Variants in SCOC observed in about 807,000 individuals in gnomAD.
SCOC encodes the protein short coiled coil protein.
Under a neutral mutation model 9.9 loss-of-function variants are expected in SCOC, and 7 were observed. That is an observed-to-expected ratio of 0.71 (90% CI 0.40 to 1.33). The LOEUF (loss-of-function observed/expected upper bound fraction) is 1.33. Among genes scored for constraint, SCOC ranks in the 40% most tolerant of loss-of-function variants. SCOC has a pLI of 0.01. For synonymous variants in SCOC, 19 were observed against 28.2 expected (o/e 0.67, Z 1.03); for missense variants, 66 against 89.7 (o/e 0.74, Z 1.07).
intron 1 of SCOC, among the ~76,000 whole-genome samples, chr4:140,375,155 T>C (rs1185536100): frequency 6.6e-6 from 1 of 152,222 alleles, no homozygotes; most frequent in Non-Finnish European, 1.5e-5. Context: ...TGCTAACTAC[T>C]TCTGTGGTCT....
At chr4:140,327,946 A>G (rs1220297010) in intron 1 of SCOC, among the ~76,000 whole-genome samples, 1 of 151,990 alleles carries the variant, frequency 6.6e-6, no homozygotes, top group Non-Finnish European at 1.5e-5. Context: ...ATATTCAAAG[A>G]TCTCCCTGCC....
intron 1 of SCOC, among the ~76,000 whole-genome samples, chr4:140,286,293 C>T (rs1240042245): frequency 6.6e-6 from 1 of 151,796 alleles, no homozygotes; most frequent in African/African-American, 2.4e-5. Flanking sequence ...GTAGTTATTA[C>T]CAGCCCACCG....
At chr4:140,335,498 A>G (rs915686904) in intron 1 of SCOC, among the ~76,000 whole-genome samples, 2 of 152,220 alleles carry the variant, frequency 1.3e-5, no homozygotes, top group African/African-American at 4.8e-5. Context: ...AATTAATCCA[A>G]TTTGCACTAA....
chr4:140,280,788 T>C (rs1471060102), intron 1 of SCOC, among the ~76,000 whole-genome samples: 1 of 152,214 alleles, frequency 6.6e-6, no homozygotes, highest in Non-Finnish European at 1.5e-5. Flanking sequence ...TTAGGAAATG[T>C]GTTTTTCTGA....
At chr4:140,341,843 A>G (rs1205458235), upstream of SCOC, among the ~76,000 whole-genome samples, 1 of 152,168 alleles carries the variant, frequency 6.6e-6, no homozygotes, top group Non-Finnish European at 1.5e-5. Context: ...CATTTCTGGG[A>G]GACATGGGAC....
upstream of SCOC, among the ~76,000 whole-genome samples, chr4:140,370,894 CTTT>C (rs200698292): frequency 1.4e-5 from 2 of 142,942 alleles, no homozygotes; most frequent in African/African-American, 2.6e-5. Flanking sequence ...TGTCTGAATT[CTTT>C]TTTTTTTTTT....
intron 2 of SCOC, among the ~76,000 whole-genome samples, chr4:140,364,607 T>C (rs1727709802): frequency 6.6e-6 from 1 of 152,202 alleles, no homozygotes; most frequent in Non-Finnish European, 1.5e-5. Context: ...CCCTTATCTA[T>C]AAAGCTGCTC....
At chr4:140,344,214 A>C (rs776324198) in intron 2 of SCOC, among the ~76,000 whole-genome samples, 7 of 152,222 alleles carry the variant, frequency 4.6e-5, no homozygotes, top group Non-Finnish European at 8.8e-5. Context: ...GCTGATGGAA[A>C]GGATAACCAT....
Position 140,316,865 on chromosome 4 carries a change from G to A in SCOC, c.-18-26756G>A, listed in dbSNP as rs2126475635. Among the ~76,000 whole-genome samples, 2 of 152,280 alleles carry A rather than the reference G, an allele frequency of 1.3e-5. 1 individual carries two copies. On this transcript the variant is annotated intron_variant, in intron 1 of 4. Transcript: ENST00000394205. The stretch of plus-strand genomic sequence containing the variant: ...TCAGTCTACAAATTAAGGTATGCAA[G>A]CAATACTAAATCTCTTTATTTTCTA...
chr4:140,326,604 G>A (rs763815471), intron 1 of SCOC, among the ~76,000 whole-genome samples: 23 of 151,360 alleles, frequency 1.5e-4, no homozygotes, highest in Admixed American at 2.6e-4. Context: ...GTAGGCCCAC[G>A]CTTTACAGTA....
chr4:140,373,677 G>A lies in SCOC; in HGVS notation c.-91G>A. ...TGGTCCAAGTGTCCCGGCCTGAGGT[G>A]TCGGCCGGATCCCTCCTTCTCCCGG... On this transcript the variant is annotated 5_prime_UTR_variant, in exon 1 of 4. Coordinates refer to ENST00000608372, the MANE Select transcript of SCOC (RefSeq NM_001153484.2). 1.3e-6 allele frequency: 2 copies of A among 1,550,944 alleles called. No homozygotes were observed. The highest frequency in any genetic ancestry group is 1.7e-6 in the Non-Finnish European group (2 of 1,146,940).
chr4:140,362,855 C>T (rs1727631133), intron 2 of SCOC: 1 of 152,078 alleles, frequency 6.6e-6, no homozygotes, highest in Non-Finnish European at 1.5e-5. Context: ...AGGAGTTTGA[C>T]ACAGAACTAA....
chr4:140,320,035 G>A (rs1178413679), intron 1 of SCOC, among the ~76,000 whole-genome samples: 1 of 152,202 alleles, frequency 6.6e-6, no homozygotes, highest in Non-Finnish European at 1.5e-5. Context: ...GGTAAAATAA[G>A]GCTGAGACCT....
intron 1 of SCOC, among the ~76,000 whole-genome samples, chr4:140,325,469 A>G (rs773383482): frequency 2.0e-5 from 3 of 152,192 alleles, no homozygotes; most frequent in African/African-American, 7.2e-5. Flanking sequence ...GTCTCTCTCT[A>G]TATAATGACA....
At chr4:140,379,708 AAAT>A in intron 3 of SCOC, 56 bp downstream of exon 3, 2 of 1,291,148 alleles carry the variant, frequency 1.5e-6, no homozygotes, top group South Asian at 2.5e-5. Flanking sequence ...GAACTTGTAA[AAAT>A]TTATATTGCT....
intron 1 of SCOC, 70 bp from the exon 2 acceptor site, chr4:140,379,051 C>A: frequency 1.1e-6 from 1 of 939,110 alleles, no homozygotes; most frequent in Non-Finnish European, 1.7e-6. Context: ...ACAAAATCAT[C>A]CTCCTTTGAA....
intron 1 of SCOC, among the ~76,000 whole-genome samples, chr4:140,258,743 G>T (rs929930650): frequency 6.6e-5 from 10 of 152,176 alleles, no homozygotes; most frequent in African/African-American, 2.2e-4. Flanking sequence ...AGAATAGCTT[G>T]CATTTTCTTC....
At chr4:140,366,833 C>A in intron 2 of SCOC, 1 of 888,284 alleles carries the variant, frequency 1.1e-6, no homozygotes, top group Non-Finnish European at 1.9e-6. Flanking sequence ...CCCACACGGC[C>A]AACCTCCACG....
intron 1 of SCOC, among the ~76,000 whole-genome samples, chr4:140,292,915 TA>T (rs1339404777): frequency 1.3e-5 from 2 of 152,196 alleles, no homozygotes; most frequent in Non-Finnish European, 2.9e-5. Flanking sequence ...AAACTTTAAT[TA>T]TCAAATTCTG....
Sources: gnomAD v4.1 joint callset for allele counts (sites outside exome capture counted in the v4.1 genomes callset) on GRCh38, gnomAD v4.1.1 for gene constraint, MANE v1.5 for transcripts, NCBI Gene and HGNC (gene_info 2026-07-23, HGNC 2026-07-21) for gene names.